VPS41: variants seen among roughly 807,000 people sequenced by gnomAD.
The protein encoded by VPS41 is VPS41 subunit of HOPS complex.
Under a neutral mutation model 130.9 loss-of-function variants are expected in VPS41, and 85 were observed. The ratio of observed to expected loss-of-function variants is 0.65; its 90% confidence interval spans 0.55 to 0.78. VPS41 has a LOEUF of 0.78. VPS41 is among the 30% of genes least tolerant of loss of function. VPS41 has a pLI of 0.00. For synonymous variants in VPS41, 335 were observed against 332.9 expected, an observed-to-expected ratio of 1.01 and a Z score of -0.07; for missense variants, 874 against 1,018.7, an observed-to-expected ratio of 0.86 and a Z score of 1.93.
chr7:38,809,565 C>T (rs1007475781), intron 7 of VPS41, among the ~76,000 whole-genome samples: 1 of 152,116 alleles, frequency 6.6e-6, no homozygotes, highest in Non-Finnish European at 1.5e-5. Context: ...TTGCAGACCA[C>T]TGCTGGAAGC....
intron 25 of VPS41, among the ~76,000 whole-genome samples, chr7:38,736,862 T>C (rs1448673272): frequency 6.6e-6 from 1 of 152,206 alleles, no homozygotes; most frequent in Non-Finnish European, 1.5e-5. Context: ...TAGTTAAACC[T>C]AATTATAGGG....
intron 7 of VPS41, among the ~76,000 whole-genome samples, chr7:38,806,646 C>G (rs1376967865): frequency 6.6e-6 from 1 of 152,156 alleles, no homozygotes; most frequent in Non-Finnish European, 1.5e-5. Context: ...CCTGCCCAGA[C>G]ACAAATATTG....
At chr7:38,752,155 G>A (rs762015480) in intron 22 of VPS41, 21 bp downstream of exon 22, 2 of 1,613,470 alleles carry the variant, frequency 1.2e-6, no homozygotes, top group Non-Finnish European at 1.7e-6. Context: ...AAGTGTACAA[G>A]TCGGGGAGTC....
intron 7 of VPS41, among the ~76,000 whole-genome samples, chr7:38,801,746 A>C (rs1784730607): frequency 6.6e-6 from 1 of 152,232 alleles, no homozygotes; most frequent in African/African-American, 2.4e-5. Context: ...ATCATATCTT[A>C]TACTTTGCTA....
At chr7:38,892,884 T>C (rs1390765374) in intron 2 of VPS41, among the ~76,000 whole-genome samples, 1 of 152,104 alleles carries the variant, frequency 6.6e-6, no homozygotes, top group Non-Finnish European at 1.5e-5. Flanking sequence ...TTCCACACTA[T>C]CCTATATTTC....
chr7:38,789,771 A>G, intron 10 of VPS41, 30 bp downstream of exon 10: 1 of 1,611,756 alleles, frequency 6.2e-7, no homozygotes, highest in Non-Finnish European at 8.5e-7. Flanking sequence ...GAAGTTTTAC[A>G]TCCACAGAAG....
intron 9 of VPS41, among the ~76,000 whole-genome samples, chr7:38,794,540 G>T (rs1029783180): frequency 2.0e-5 from 3 of 152,122 alleles, no homozygotes; most frequent in Non-Finnish European, 2.9e-5. Flanking sequence ...AATTACATCA[G>T]ATTCTATGCA....
chr7:38,850,319 G>C (rs763816622), intron 4 of VPS41, among the ~76,000 whole-genome samples: 2 of 152,078 alleles, frequency 1.3e-5, no homozygotes, highest in Non-Finnish European at 2.9e-5. Flanking sequence ...ATGGCTACTG[G>C]GCATTTGATG....
At chr7:38,876,831 T>A (rs921428008) in intron 2 of VPS41, among the ~76,000 whole-genome samples, 2 of 152,000 alleles carry the variant, frequency 1.3e-5, no homozygotes, top group African/African-American at 4.8e-5. Flanking sequence ...GAGGAAAAAA[T>A]AAGGTGAAGG....
Position 38,809,584 on chromosome 7 carries a change from G to C in VPS41, c.450+8233C>G, listed in dbSNP as rs115659836. Among the ~76,000 whole-genome samples the C allele has an allele frequency of 6.9e-3, 1,052 of 152,146 alleles. 14 individuals are homozygous for C. Among genetic ancestry groups the C allele is most frequent in the African/African-American group, 0.023 (957 of 41,508 alleles). On this transcript the variant is annotated intron_variant, in intron 7 of 28. Transcript: ENST00000310301. The stretch of plus-strand genomic sequence containing the variant: ...AGACCACTGCTGGAAGCTTATAGAA[G>C]CTGGCTGACACTACCATCTCTGTCC...
chr7:38,906,137 GGTATAATAAAGCCCTACTACC>G (rs1253191646), intron 1 of VPS41, among the ~76,000 whole-genome samples: 1 of 151,880 alleles, frequency 6.6e-6, no homozygotes, highest in Non-Finnish European at 1.5e-5. Context: ...TTAAAAAAAT[GGTATAATAAAGCCCTACTACC>G]GTCATCAGAT....
Position 38,728,524 on chromosome 7 carries a change from T to C in VPS41, c.2404+18A>G. 6.2e-7 allele frequency: 1 copy of C among 1,614,150 alleles called. No homozygotes were observed. Among genetic ancestry groups the C allele is most frequent in the Non-Finnish European group, 8.5e-7 (1 of 1,179,988 alleles). ...TTAAAATACATGTTTGGGATTTTTT[T>C]GGGGAAAACCTTCTTACCTGATGGA... is the stretch of plus-strand genomic sequence containing the variant. On this transcript the variant is annotated intron_variant, in intron 27 of 28. Transcript: ENST00000310301.
At chr7:38,790,016 T>C (rs768598113) in intron 9 of VPS41, 149 bp from the exon 10 acceptor site, 11 of 699,732 alleles carry the variant, frequency 1.6e-5, no homozygotes, top group Non-Finnish European at 2.6e-5. Context: ...CAGAAATTAA[T>C]GTAAATGACA....
chr7:38,876,808 T>C (rs1786502215), intron 2 of VPS41, among the ~76,000 whole-genome samples: 1 of 152,144 alleles, frequency 6.6e-6, no homozygotes, highest in African/African-American at 2.4e-5. Context: ...TAGAATTTCA[T>C]GTTCAATTCA....
rs1451801126 is a variant in VPS41 at position 38,743,511 on chromosome 7, C to A, written c.2013G>T (p.Lys671Asn). ...SRMGNSRSAL[K>N]MIMEELHDVD... is the part of the protein sequence containing the mutation. ...CATCATGTAATTCCTCCATAATCAT[C>A]TTCAGGGCACTTCGGCTATTACCCA... The change falls in exon 24 of 29, where the codon AAG (lysine) becomes AAT (asparagine). Residue 671 changes from lysine (K) to asparagine (N), a missense_variant. By Grantham distance (94) the Lys-to-Asn change is moderately conservative (BLOSUM62 0). Transcript: ENST00000310301. 6.8e-6 allele frequency: 11 copies of A among 1,613,934 alleles called. No homozygotes were observed. Among genetic ancestry groups the A allele is most frequent in the Non-Finnish European group, 9.3e-6 (11 of 1,179,856 alleles).
At chr7:38,879,646 A>G (rs1330765541) in intron 2 of VPS41, among the ~76,000 whole-genome samples, 2 of 152,100 alleles carry the variant, frequency 1.3e-5, no homozygotes, top group African/African-American at 4.8e-5. Context: ...TCCACCTCAG[A>G]TCATCAGGCA....
intron 7 of VPS41, among the ~76,000 whole-genome samples, chr7:38,806,543 C>T (rs1041938734): frequency 4.6e-5 from 7 of 152,146 alleles, no homozygotes; most frequent in African/African-American, 1.7e-4. Context: ...TTACTCTAAA[C>T]ATTCCTTTAC....
chr7:38,731,046 G>A (rs1014463676), intron 25 of VPS41, among the ~76,000 whole-genome samples: 4 of 152,122 alleles, frequency 2.6e-5, no homozygotes, highest in Admixed American at 6.5e-5. Flanking sequence ...GCCAGGAGAG[G>A]GGAAAGTACA....
Position 38,776,745 on chromosome 7 carries a change from A to G in VPS41, c.816T>C (p.Ser272=), listed in dbSNP as rs1339736476. ...VSQFETEFYI[S]GLAPLCDQLV... ...GCTGATCACAGAGAGGTGCAAGTCCACTGATGTAGAATTCAGTTTCAAACT... is the reference window on the plus strand; with the variant it reads ...GCTGATCACAGAGAGGTGCAAGTCCGCTGATGTAGAATTCAGTTTCAAACT... The change falls in exon 11 of 29, where the codon AGT becomes AGC. Residue 272 remains serine (S), a synonymous_variant. Coordinates refer to ENST00000310301, the MANE Select transcript of VPS41 (RefSeq NM_014396.4). The G allele has an allele frequency of 6.2e-7, 1 of 1,611,606 alleles. No homozygotes were observed. Among genetic ancestry groups the G allele is most frequent in the African/African-American group, 1.3e-5 (1 of 74,860 alleles).
Sources: gnomAD v4.1 joint callset for allele counts (sites outside exome capture counted in the v4.1 genomes callset) on GRCh38, gnomAD v4.1.1 for gene constraint, MANE v1.5 for transcripts, NCBI Gene and HGNC (gene_info 2026-07-23, HGNC 2026-07-21) for gene names.